The following TTC39A variants were observed in gnomAD, a reference collection of about 807,000 sequenced individuals.
TTC39A encodes tetratricopeptide repeat domain 39A.
In TTC39A, 46 loss-of-function variants were observed where a neutral mutation model predicts 82.3. The observed-to-expected ratio is 0.56, with a 90% confidence interval of 0.44 to 0.71. The LOEUF is 0.71. Among genes scored for constraint, TTC39A ranks in the 30% least tolerant of loss-of-function variants. The probability of loss-of-function intolerance (pLI) is 0.00; values close to 1 mark genes in which losing one functional copy is unlikely to be tolerated. For missense variants in TTC39A, 543 were observed against 712.9 expected, an observed-to-expected ratio of 0.76 and a Z score of 2.71; for synonymous variants, 254 against 275.2, an observed-to-expected ratio of 0.92 and a Z score of 0.76.
intron 2 of TTC39A, among the ~76,000 whole-genome samples, chr1:51,316,613 C>T (rs1645294331): frequency 6.6e-6 from 1 of 152,222 alleles, no homozygotes; most frequent in South Asian, 2.1e-4. Flanking sequence ...GGGGCCTCAG[C>T]CTCGGCCAGG....
At chr1:51,337,400 G>C (rs1488991407) in intron 1 of TTC39A, among the ~76,000 whole-genome samples, 1 of 151,564 alleles carries the variant, frequency 6.6e-6, no homozygotes, top group East Asian at 1.9e-4. Flanking sequence ...TTCTCCGTGA[G>C]GCCTTCCCTG....
At chr1:51,314,003 A>G (rs1645190166) in intron 2 of TTC39A, among the ~76,000 whole-genome samples, 1 of 152,210 alleles carries the variant, frequency 6.6e-6, no homozygotes, top group Admixed American at 6.5e-5. Flanking sequence ...ACATCAGCAT[A>G]GGCTCAGCTC....
At chr1:51,331,231 C>T (rs558282807), upstream of TTC39A, 105 of 1,549,646 alleles carry the variant, frequency 6.8e-5, 1 homozygote, top group African/African-American at 1.3e-3. Context: ...TCCCCCTTGG[C>T]CCCCTCTCCC....
intron 8 of TTC39A, among the ~76,000 whole-genome samples, chr1:51,303,980 G>C (rs1445532340): frequency 6.6e-6 from 1 of 152,236 alleles, no homozygotes; most frequent in South Asian, 2.1e-4. Context: ...AAGATTTCAG[G>C]GGTCCATGGG....
At chr1:51,333,476 T>A (rs940780774), upstream of TTC39A, among the ~76,000 whole-genome samples, 1 of 152,228 alleles carries the variant, frequency 6.6e-6, no homozygotes, top group African/African-American at 2.4e-5. Flanking sequence ...AAGTGAAGAA[T>A]CCTGAAGCTA....
chr1:51,313,207 G>C (rs564792437), intron 2 of TTC39A, among the ~76,000 whole-genome samples: 3 of 152,050 alleles, frequency 2.0e-5, no homozygotes, highest in Non-Finnish European at 4.4e-5. Flanking sequence ...AGCTCGGTAG[G>C]GGTGGCAGCA....
chr1:51,340,611 T>C (rs1037138365), intron 1 of TTC39A, among the ~76,000 whole-genome samples: 4 of 152,182 alleles, frequency 2.6e-5, no homozygotes, highest in African/African-American at 9.7e-5. Context: ...GAACAGTGAT[T>C]GGTTGAAGGA....
chr1:51,299,732 A>AG (rs1416403440), intron 12 of TTC39A: 1 of 152,244 alleles, frequency 6.6e-6, no homozygotes, highest in Non-Finnish European at 1.5e-5. Flanking sequence ...TGCCCCCACC[A>AG]GGTCTCTCCT....
At chr1:51,328,576 T>C (rs1645798845) in intron 1 of TTC39A, among the ~76,000 whole-genome samples, 1 of 151,996 alleles carries the variant, frequency 6.6e-6, no homozygotes, top group Non-Finnish European at 1.5e-5. Context: ...AACAGAGAAA[T>C]GATAAAACCT....
At chr1:51,319,974 G>A (rs970220795) in intron 2 of TTC39A, among the ~76,000 whole-genome samples, 1 of 152,136 alleles carries the variant, frequency 6.6e-6, no homozygotes, top group African/African-American at 2.4e-5. Context: ...ACAGGCATGA[G>A]CCACTGCGCC....
At chr1:51,290,162 T>G in intron 15 of TTC39A, 43 bp from the exon 16 acceptor site, 1 of 1,576,686 alleles carries the variant, frequency 6.3e-7, no homozygotes, top group Non-Finnish European at 8.7e-7. Context: ...CTTGTTCATT[T>G]CTGCAGCAGT....
intron 1 of TTC39A, among the ~76,000 whole-genome samples, chr1:51,337,775 G>T (rs1262919232): frequency 6.6e-6 from 1 of 152,038 alleles, no homozygotes; most frequent in African/African-American, 2.4e-5. Flanking sequence ...CAGTTCTTCT[G>T]CCCTGCATTA....
rs1302489047 is a variant in TTC39A, at chr1:51,306,033, C to T, written c.532G>A (p.Glu178Lys). The change falls in exon 7 of 18, where the codon GAG (glutamate) becomes AAG (lysine). Residue 178 changes from glutamate (E) to lysine (K), a missense_variant. Glu to Lys is a moderately conservative substitution (Grantham distance 56). Transcript: ENST00000680483. ...LVQSSQYCKG[E>K]NHPHFEGGVK... ...CCTCCTTCAAAGTGCGGGTGGTTCT[C>T]ACCCTTGCAGTATTGTGAGGACTGA... 1 of 1,613,900 alleles carries T rather than the reference C, an allele frequency of 6.2e-7. No homozygotes were observed. Among genetic ancestry groups the T allele is most frequent in the Non-Finnish European group, 8.5e-7 (1 of 1,179,884 alleles).
chr1:51,321,931 T>C lies in TTC39A; in HGVS notation c.42-106A>G, dbSNP rs1157468120. ...TCTACTCAGCCTCCCTGGCCAGCCT[T>C]GGGTGCCTGTCACGAGCTCCTCCAG... On this transcript the variant is annotated intron_variant, in intron 1 of 17. Transcript: ENST00000680483. The surrounding 1 kb of genome is among the most constrained non-coding windows in gnomAD (Gnocchi z 4.6). The C allele has an allele frequency of 3.0e-6, 4 of 1,344,932 alleles. No individual in the cohort carries two copies. Among genetic ancestry groups the C allele is most frequent in the Non-Finnish European group, 4.1e-6 (4 of 969,258 alleles). The allele number at this position is 1,344,932 out of a possible 1,614,324, so 83.3% of individuals were successfully genotyped here. A position where few individuals can be genotyped will look rare whatever the true frequency, so the allele number is the denominator to read the frequency against.
chr1:51,331,304 G>A (rs1570015776), upstream of TTC39A: 18 of 1,540,900 alleles, frequency 1.2e-5, no homozygotes, highest in South Asian at 8.4e-5. Context: ...ACTGTGCACC[G>A]AGCCCTGAGG....
intron 2 of TTC39A, among the ~76,000 whole-genome samples, chr1:51,319,693 C>CTT (rs148207553): frequency 4.2e-5 from 6 of 141,704 alleles, no homozygotes; most frequent in South Asian, 2.2e-4. Flanking sequence ...TTTTCTTTTT[C>CTT]TTTTTTTTTT....
chr1:51,334,851 C>CT (rs937041360), upstream of TTC39A: 3 of 152,246 alleles, frequency 2.0e-5, no homozygotes, highest in African/African-American at 7.2e-5. Flanking sequence ...AGCCAGTCAC[C>CT]TGGTGAGTCA....
upstream of TTC39A, among the ~76,000 whole-genome samples, chr1:51,336,108 T>C (rs923450880): frequency 6.6e-6 from 1 of 151,832 alleles, no homozygotes; most frequent in African/African-American, 2.4e-5. Flanking sequence ...ACTGAACTGG[T>C]GACTGTAAAG....
chr1:51,344,228 G>A (rs987196576), intron 1 of TTC39A, among the ~76,000 whole-genome samples: 2 of 152,196 alleles, frequency 1.3e-5, no homozygotes, highest in Non-Finnish European at 2.9e-5. Flanking sequence ...TCAGATGGAG[G>A]TGTTGGGAGG....
Sources: gnomAD v4.1 joint callset for allele counts (sites outside exome capture counted in the v4.1 genomes callset) on GRCh38, gnomAD v4.1.1 for gene constraint, Gnocchi (gnomAD v3.1) non-coding constraint, MANE v1.5 for transcripts, NCBI Gene and HGNC (gene_info 2026-07-23, HGNC 2026-07-21) for gene names.